TAB2: variants seen among roughly 807,000 people sequenced by gnomAD.
The protein encoded by TAB2 is TGF-beta activated kinase 1 (MAP3K7) binding protein 2.
A neutral mutation model predicts 65.0 loss-of-function variants in TAB2; 3 were observed. The observed-to-expected ratio is 0.05, with a 90% CI of 0.02 to 0.12. TAB2 has a LOEUF of 0.12. Among genes scored for constraint, TAB2 ranks in the 10% least tolerant of loss-of-function variants. The pLI is 1.00. For missense variants in TAB2, 623 were observed against 840.3 expected (o/e 0.74, Z 3.20); for synonymous variants, 298 against 285.1 (o/e 1.05, Z -0.46).
At chr6:149,405,709 CAG>C (rs1307727983) in intron 6 of TAB2, among the ~76,000 whole-genome samples, 4 of 152,204 alleles carry the variant, frequency 2.6e-5, no homozygotes, top group East Asian at 1.9e-4. Flanking sequence ...CTCCTGGAAA[CAG>C]AGAGCAGAAC....
intron 3 of TAB2, among the ~76,000 whole-genome samples, chr6:149,383,695 G>A (rs928082224): frequency 1.3e-5 from 2 of 152,144 alleles, no homozygotes; most frequent in Non-Finnish European, 2.9e-5. Context: ...CAGTTCTCCT[G>A]CCTCAGCCTC....
chr6:149,319,417 T>C (rs1779363584), intron 1 of TAB2, among the ~76,000 whole-genome samples: 1 of 152,234 alleles, frequency 6.6e-6, no homozygotes, highest in Admixed American at 6.5e-5. Context: ...AAGGAAGACT[T>C]GCTTTTCTTT....
intron 1 of TAB2, among the ~76,000 whole-genome samples, chr6:149,357,076 A>G (rs1349439567): frequency 3.3e-5 from 5 of 152,074 alleles, no homozygotes. Context: ...CGTCTTTATT[A>G]TTTACTTTTA....
At chr6:149,403,234 TAAAAA>T (rs745966790) in intron 6 of TAB2, among the ~76,000 whole-genome samples, 27 of 66,080 alleles carry the variant, frequency 4.1e-4, no homozygotes, top group African/African-American at 2.0e-3. Context: ...AACTCTTGTC[TAAAAA>T]AAAAAAAAAT....
chr6:149,357,141 G>A (rs1780678165), intron 1 of TAB2, among the ~76,000 whole-genome samples: 2 of 151,706 alleles, frequency 1.3e-5, no homozygotes, highest in South Asian at 4.2e-4. Context: ...ATTTTAGCCG[G>A]GTGCAGTGGC....
intron 1 of TAB2, among the ~76,000 whole-genome samples, chr6:149,354,336 G>A (rs954311950): frequency 3.3e-5 from 5 of 152,242 alleles, no homozygotes; most frequent in Admixed American, 3.3e-4. Flanking sequence ...TACTTAATAT[G>A]TTAGGTAGAT....
In TAB2 at chr6:149,271,353, C is replaced by T. The variant is rs569540946; in HGVS notation, c.-121+52577C>T. ...ATTTCATTGGTGTGCTAGTACATAA[C>T]TTAATCTTACCTAAGGGTAAGAAAA... On this transcript the variant is annotated intron_variant, in intron 1 of 1. Transcript: ENST00000606202. 1.4e-3 allele frequency among the ~76,000 whole-genome samples: 210 copies of T among 152,282 alleles called. 1 individual carries two copies. Among genetic ancestry groups the T allele is most frequent in the African/African-American group, 4.7e-3 (195 of 41,550 alleles).
chr6:149,286,990 A>G (rs4895781), intron 1 of TAB2, among the ~76,000 whole-genome samples: 30,354 of 151,928 alleles, frequency 0.2, 3,227 homozygotes, highest in East Asian at 0.42. Flanking sequence ...GGTGGTAAGC[A>G]TCTGTAATCT....
intron 1 of TAB2, among the ~76,000 whole-genome samples, chr6:149,293,269 A>C (rs575924): frequency 0.11 from 17,250 of 152,270 alleles, 1,282 homozygotes; most frequent in East Asian, 0.35. Flanking sequence ...GAAATTTTTT[A>C]TTCTCTGTAA....
intron 1 of TAB2, among the ~76,000 whole-genome samples, chr6:149,255,879 G>A (rs1778018454): frequency 6.6e-6 from 1 of 152,218 alleles, no homozygotes. Flanking sequence ...AGTCGTTGCA[G>A]ACCATATATA....
chr6:149,248,484 G>GAA (rs1166263892), intron 1 of TAB2, among the ~76,000 whole-genome samples: 172 of 131,356 alleles, frequency 1.3e-3, no homozygotes, highest in African/African-American at 4.2e-3. Flanking sequence ...AAGAAAGAAA[G>GAA]AGAGAGAGAG....
At chr6:149,319,157 C>G (rs1245166627) in intron 1 of TAB2, among the ~76,000 whole-genome samples, 1 of 152,172 alleles carries the variant, frequency 6.6e-6, no homozygotes, top group Non-Finnish European at 1.5e-5. Context: ...AATTTCGTTT[C>G]CGCTTTAGCA....
intron 1 of TAB2, among the ~76,000 whole-genome samples, chr6:149,288,120 G>A (rs1282061174): frequency 6.6e-6 from 1 of 152,086 alleles, no homozygotes; most frequent in African/African-American, 2.4e-5. Flanking sequence ...ACCATATGTG[G>A]ACTATCTTCT....
At chr6:149,341,662 C>G (rs971775025) in intron 1 of TAB2, among the ~76,000 whole-genome samples, 1 of 152,122 alleles carries the variant, frequency 6.6e-6, no homozygotes, top group African/African-American at 2.4e-5. Flanking sequence ...TGCAATGTGC[C>G]ATCACAATAG....
At chr6:149,393,633 C>T (rs549061922) in intron 3 of TAB2, among the ~76,000 whole-genome samples, 6 of 152,124 alleles carry the variant, frequency 3.9e-5, no homozygotes, top group Non-Finnish European at 8.8e-5. Flanking sequence ...TTGATAGAAA[C>T]ATTAGGAATA....
chr6:149,242,767 C>G (rs1299682345), intron 1 of TAB2, among the ~76,000 whole-genome samples: 2 of 152,202 alleles, frequency 1.3e-5, no homozygotes, highest in Non-Finnish European at 1.5e-5. Flanking sequence ...CCGCCCGTCT[C>G]TTCTCTATGG....
At chr6:149,290,246 T>C (rs555288422) in intron 1 of TAB2, among the ~76,000 whole-genome samples, 4 of 152,102 alleles carry the variant, frequency 2.6e-5, no homozygotes, top group Admixed American at 6.5e-5. Flanking sequence ...GAGAAGTCCA[T>C]TCAGATGGTG....
At position 149,378,861 on chromosome 6, in the gene TAB2, A is replaced by T; in HGVS notation, c.946A>T (p.Asn316Tyr). ...SSAHSQYNIQ[N>Y]ISTGPRKNQI... ...TGCCCATAGCCAATATAACATTCAG[A>T]ATATTTCAACAGGACCTCGAAAAAA... The change falls in exon 3 of 7, where the codon AAT becomes TAT. Residue 316 changes from asparagine (N) to tyrosine (Y), a missense_variant. Physicochemically the swap from Asn to Tyr is moderately radical, Grantham distance 143. This residue lies in a region of TAB2 where 550 missense variants were observed against 665.7 expected (regional missense o/e 0.83). Coordinates refer to ENST00000637181, the MANE Select transcript of TAB2 (RefSeq NM_001292034.3). 1 of 1,614,176 alleles carries T rather than the reference A, an allele frequency of 6.2e-7. No homozygotes were observed.
At chr6:149,268,477 G>A (rs946527992) in intron 1 of TAB2, among the ~76,000 whole-genome samples, 1 of 152,210 alleles carries the variant, frequency 6.6e-6, no homozygotes, top group Non-Finnish European at 1.5e-5. Flanking sequence ...CATTTATAGA[G>A]AGAGAGCAAG....
Sources: allele counts gnomAD v4.1 joint callset (sites outside exome capture counted in the v4.1 genomes callset), GRCh38; gene constraint gnomAD v4.1.1; regional missense constraint gnomAD v4.1.1; transcripts MANE v1.5; gene names NCBI Gene and HGNC (gene_info 2026-07-23, HGNC 2026-07-21).